USP13: variants seen among roughly 807,000 people sequenced by gnomAD.
USP13 encodes the protein ubiquitin carboxyl-terminal hydrolase 13.
USP13 carries 68 observed loss-of-function variants against 107.8 expected under a neutral mutation model. The ratio of observed to expected loss-of-function variants is 0.63; its 90% CI spans 0.52 to 0.77. USP13 has a LOEUF of 0.77. Ranked by LOEUF, USP13 falls within the 30% of genes least tolerant of loss-of-function variation. The pLI is 0.00. For synonymous variants in USP13, 377 were observed against 389.5 expected, an observed-to-expected ratio of 0.97 and a Z score of 0.38; for missense variants, 945 against 1,093.3, an observed-to-expected ratio of 0.86 and a Z score of 1.91.
chr3:179,730,718 C>A lies in USP13; in HGVS notation c.1254+9C>A, dbSNP rs1477716537. 1.2e-6 allele frequency: 2 copies of A among 1,611,918 alleles called. No homozygotes were observed. The highest frequency in any genetic ancestry group is 1.3e-5 in the African/African-American group (1 of 75,008). On this transcript the variant is annotated intron_variant, in intron 10 of 20. Coordinates refer to ENST00000263966, the MANE Select transcript of USP13 (RefSeq NM_003940.3). ...TGAAGGAGGAGCACAAGGTATGTGT[C>A]CGAGCGTTTGCCATGTTGACATGTA... is the stretch of plus-strand genomic sequence containing the variant.
Position 179,784,887 on chromosome 3 carries a change from T to C in USP13, c.*746T>C, listed in dbSNP as rs1715873031. Reference sequence around the variant, plus strand: ...GTAAATATTTTAACAAAACTATGACTCAGGAACCTTCGAGAAGATTAGTTC... The same window carrying C: ...GTAAATATTTTAACAAAACTATGACCCAGGAACCTTCGAGAAGATTAGTTC... On this transcript the variant is annotated 3_prime_UTR_variant, in exon 21 of 21. Coordinates refer to ENST00000263966, the MANE Select transcript of USP13 (RefSeq NM_003940.3). 1 of 152,192 alleles carries C rather than the reference T, an allele frequency of 6.6e-6. No individual in the cohort carries two copies. The allele number at this position is 152,192 out of a possible 1,614,324, so 9.4% of individuals were successfully genotyped here. A position where few individuals can be genotyped will look rare whatever the true frequency, so the allele number is the denominator to read the frequency against.
intron 6 of USP13, among the ~76,000 whole-genome samples, chr3:179,714,510 G>A (rs1404633968): frequency 1.3e-5 from 2 of 152,228 alleles, no homozygotes; most frequent in African/African-American, 4.8e-5. Context: ...CAGGACGGCA[G>A]GGCCTAAGGC....
At chr3:179,707,146 CT>C in intron 5 of USP13, 70 bp downstream of exon 5, 1 of 1,501,194 alleles carries the variant, frequency 6.7e-7, no homozygotes, top group East Asian at 2.4e-5. Context: ...TTTTCTACTT[CT>C]TTTTTGAATA....
At chr3:179,722,318 A>G (rs1713354226) in intron 8 of USP13, among the ~76,000 whole-genome samples, 1 of 152,052 alleles carries the variant, frequency 6.6e-6, no homozygotes. Context: ...TGCTACTTAC[A>G]GTGTGGTTCA....
intron 1 of USP13, 94 bp from the exon 2 acceptor site, chr3:179,681,784 T>C (rs1416601347): frequency 1.3e-6 from 2 of 1,485,066 alleles, no homozygotes; most frequent in Non-Finnish European, 1.8e-6. Context: ...CCAGGCCTCG[T>C]CTTCAGCGTT....
chr3:179,768,307 C>T (rs1446893255), intron 19 of USP13, among the ~76,000 whole-genome samples: 1 of 152,216 alleles, frequency 6.6e-6, no homozygotes, highest in East Asian at 1.9e-4. Flanking sequence ...GCAGCAGCCA[C>T]TCTCTCACAG....
chr3:179,721,763 G>T lies in USP13; in HGVS notation c.1088+174G>T, dbSNP rs757708287. Among the ~76,000 whole-genome samples, 33 of 152,098 alleles carry T rather than the reference G, an allele frequency of 2.2e-4. No homozygotes were observed. The highest frequency in any genetic ancestry group is 3.7e-4 in the Non-Finnish European group (25 of 67,954). The stretch of plus-strand genomic sequence containing the variant: ...GAGAACACTTGTCAAGTATTATGGG[G>T]ATCAGGTGAGATAAGAAGAGCTTTG... On this transcript the variant is annotated intron_variant, in intron 8 of 20. Coordinates refer to ENST00000263966, the MANE Select transcript of USP13 (RefSeq NM_003940.3). This position sits in a 1 kb window ranked among gnomAD's most constrained non-coding sequence, Gnocchi z 4.3.
At chr3:179,675,567 A>G (rs1214373636) in intron 1 of USP13, among the ~76,000 whole-genome samples, 1 of 124,944 alleles carries the variant, frequency 8.0e-6, no homozygotes, top group African/African-American at 3.2e-5. Flanking sequence ...ATTATTATTG[A>G]GATGGAGTCT....
At chr3:179,694,359 G>A (rs1216285409) in intron 3 of USP13, among the ~76,000 whole-genome samples, 1 of 152,098 alleles carries the variant, frequency 6.6e-6, no homozygotes, top group Non-Finnish European at 1.5e-5. Context: ...GTGATGTGAT[G>A]GCCTCATGTT....
intron 17 of USP13, 52 bp from the exon 18 acceptor site, chr3:179,763,950 C>CAAAA (rs556912091): frequency 1.6e-4 from 192 of 1,233,456 alleles, no homozygotes; most frequent in South Asian, 3.3e-4. Context: ...TGTTTCAGGA[C>CAAAA]AAAAAAAAAA....
chr3:179,779,673 C>T (rs563885191), intron 19 of USP13, among the ~76,000 whole-genome samples: 8 of 151,068 alleles, frequency 5.3e-5, no homozygotes, highest in Admixed American at 5.3e-4. Flanking sequence ...AGAGCAGCTC[C>T]CTTGCTGCAA....
At chr3:179,773,543 T>C (rs553323364) in intron 19 of USP13, among the ~76,000 whole-genome samples, 32 of 152,346 alleles carry the variant, frequency 2.1e-4, no homozygotes, top group African/African-American at 7.5e-4. Context: ...TTTTGGTCAT[T>C]ACACTTGTTA....
intron 3 of USP13, among the ~76,000 whole-genome samples, chr3:179,691,784 T>C (rs571308399): frequency 8.5e-5 from 13 of 152,336 alleles, no homozygotes; most frequent in Non-Finnish European, 1.6e-4. Flanking sequence ...ATTTGAAAAT[T>C]TCCCTTATTG....
chr3:179,735,734 A>C (rs1368977986), intron 10 of USP13, among the ~76,000 whole-genome samples: 1 of 152,172 alleles, frequency 6.6e-6, no homozygotes, highest in Non-Finnish European at 1.5e-5. Flanking sequence ...ATATTGTATT[A>C]AAAGTTTAAA....
chr3:179,744,362 TTTG>T (rs1374607186), intron 12 of USP13, among the ~76,000 whole-genome samples: 23 of 150,708 alleles, frequency 1.5e-4, no homozygotes, highest in African/African-American at 5.5e-4. Flanking sequence ...TTTGTTTTGT[TTTG>T]TTTTTTTCTG....
At chr3:179,761,317 C>G in intron 17 of USP13, 62 bp downstream of exon 17, 2 of 1,590,470 alleles carry the variant, frequency 1.3e-6, no homozygotes, top group Admixed American at 1.7e-5. Context: ...ATGCTGAGTC[C>G]TGGTCCTTCC....
intron 2 of USP13, among the ~76,000 whole-genome samples, chr3:179,688,232 TCC>T (rs1235663433): frequency 9.3e-5 from 14 of 150,092 alleles, no homozygotes; most frequent in East Asian, 2.0e-4. Flanking sequence ...CATCCATCCA[TCC>T]ATCCAACAAA....
intron 10 of USP13, among the ~76,000 whole-genome samples, chr3:179,737,178 T>C (rs1318350729): frequency 6.6e-6 from 1 of 152,140 alleles, no homozygotes; most frequent in Non-Finnish European, 1.5e-5. Flanking sequence ...AAATGAGATG[T>C]TGGCACATGT....
intron 11 of USP13, among the ~76,000 whole-genome samples, chr3:179,740,989 A>G (rs1210602716): frequency 1.3e-5 from 2 of 150,036 alleles, no homozygotes; most frequent in Non-Finnish European, 3.0e-5. Flanking sequence ...CTGGTTTTGA[A>G]CTCCTGACCT....
Sources: allele counts gnomAD v4.1 joint callset (sites outside exome capture counted in the v4.1 genomes callset), GRCh38; gene constraint gnomAD v4.1.1; non-coding constraint Gnocchi (gnomAD v3.1); transcripts MANE v1.5; gene names NCBI Gene and HGNC (gene_info 2026-07-23, HGNC 2026-07-21).